TRA2B: variants seen among roughly 807,000 people sequenced by gnomAD.
TRA2B encodes transformer 2 beta homolog.
In TRA2B, 14 loss-of-function variants were observed where a neutral mutation model predicts 41.7. The observed-to-expected ratio is 0.34, with a 90% CI of 0.22 to 0.53. The LOEUF (loss-of-function observed/expected upper bound fraction) is 0.53. TRA2B is among the 20% of genes least tolerant of loss of function. The probability of loss-of-function intolerance (pLI) is 0.95; values close to 1 mark genes in which losing one functional copy is unlikely to be tolerated. For synonymous variants in TRA2B, 130 were observed against 128.8 expected, an observed-to-expected ratio of 1.01 and a Z score of -0.06; for missense variants, 167 against 396.8, an observed-to-expected ratio of 0.42 and a Z score of 4.92.
intron 4 of TRA2B, chr3:185,923,244 T>TCCAGC (rs1159551374): frequency 6.5e-6 from 1 of 152,750 alleles, no homozygotes; most frequent in Non-Finnish European, 1.5e-5. Flanking sequence ...GCCATTGCAC[T>TCCAGC]CCAGCCCAGG....
Position 185,919,452 on chromosome 3 carries a change from C to T in TRA2B, c.767G>A (p.Arg256Lys). The change falls in exon 7 of 9, where the codon AGG becomes AAG. Residue 256 changes from arginine to lysine, a missense_variant. Physicochemically the swap from Arg to Lys is conservative, Grantham distance 26. Around this residue, in one of 5 missense-constraint regions of TRA2B, gnomAD observed 30 missense variants for 46.7 expected, o/e 0.64. Transcript: ENST00000453386. ...GGGGWRAAQDRDQIYRRRSPS... is the reference protein window; with the variant it reads ...GGGGWRAAQDKDQIYRRRSPS... ...CCTGGCATACCTATAAATCTGATCC[C>T]TGTCTTGGGCAGCTCTCCATCCTCC... is the stretch of plus-strand genomic sequence containing the variant. The T allele has an allele frequency of 1.2e-6, 2 of 1,613,646 alleles. No homozygotes were observed. Among genetic ancestry groups the T allele is most frequent in the Non-Finnish European group, 1.7e-6 (2 of 1,179,850 alleles).
chr3:185,936,459 C>T (rs933977361), intron 1 of TRA2B: 1 of 985,284 alleles, frequency 1.0e-6, no homozygotes, highest in African/African-American at 1.7e-5. Flanking sequence ...AAACGCAAGG[C>T]TTGATTAGTT....
At chr3:185,937,460 G>A (rs545037402) in intron 1 of TRA2B, 2 of 1,055,748 alleles carry the variant, frequency 1.9e-6, no homozygotes, top group South Asian at 4.1e-5. Context: ...CAGCCCGCCA[G>A]CCCAAGATGG....
intron 1 of TRA2B, chr3:185,934,403 C>G: frequency 4.1e-6 from 4 of 985,416 alleles, no homozygotes; most frequent in Non-Finnish European, 3.6e-6. Flanking sequence ...CCTTTTCAAC[C>G]TTTTGGCAAA....
In TRA2B at chr3:185,933,823, AAC is replaced by A. The variant is rs1324610400; in HGVS notation, c.36+4000_36+4001del. Among the ~76,000 whole-genome samples the A allele has an allele frequency of 1.2e-4, 19 of 152,200 alleles. No homozygotes were observed. In the East Asian group the frequency reaches 3.1e-3, roughly 25 times the overall value. ...CAGACTGTTAAATTTACATTCATAA[AAC>A]AGTCAGTACTCCCCAACAAAAGCAA... On this transcript the variant is annotated intron_variant, in intron 1 of 8. Coordinates refer to ENST00000453386, the MANE Select transcript of TRA2B (RefSeq NM_004593.3).
rs1743836944 is a variant in TRA2B, at chr3:185,923,895, A to G, written c.423T>C (p.Tyr141=). 1.2e-6 allele frequency: 2 copies of G among 1,614,080 alleles called. No individual in the cohort carries two copies. The highest frequency in any genetic ancestry group is 1.7e-6 in the Non-Finnish European group (2 of 1,180,028). Residue 141 remains tyrosine (Y), a synonymous_variant, in exon 4 of 9, where the codon TAT becomes TAC. Transcript: ENST00000453386. The part of the protein sequence containing the change: ...ERDLREVFSK[Y]GPIADVSIVY... ...CAATAGACACATCGGCAATGGGACC[A>G]TATTTAGAGAACACTTCTCTTAGAT... is the stretch of plus-strand genomic sequence containing the variant.
At chr3:185,937,214 T>C (rs1172442961) in intron 1 of TRA2B, 24 of 985,606 alleles carry the variant, frequency 2.4e-5, no homozygotes, top group Non-Finnish European at 2.8e-5. Context: ...GCCCAGAACT[T>C]AGTCGGCCTT....
In TRA2B at chr3:185,925,925, C is replaced by T. The variant is rs559544802; in HGVS notation, c.171-299G>A. Among the ~76,000 whole-genome samples, 12 of 152,294 alleles carry T rather than the reference C, an allele frequency of 7.9e-5. No individual in the cohort carries two copies. The East Asian group carries it at 2.3e-3, about 29-fold the overall frequency. ...TAGCTTGGCTTGTGCCCATCTTTCC[C>T]CCTCAGAAGACCATTCTCTACTTTT... On this transcript the variant is annotated intron_variant, in intron 2 of 8. Transcript: ENST00000453386.
In TRA2B at chr3:185,921,089, T is replaced by G; in HGVS notation, c.722+15A>C. On this transcript the variant is annotated intron_variant, in intron 6 of 8. Coordinates refer to ENST00000453386, the MANE Select transcript of TRA2B (RefSeq NM_004593.3). Reference sequence around the variant, plus strand: ...ACTGAGATTCAGACGTTGACCTTTCTACCTCATAACTTACCTGTATGATCT... The same window carrying G: ...ACTGAGATTCAGACGTTGACCTTTCGACCTCATAACTTACCTGTATGATCT... 6.2e-7 allele frequency: 1 copy of G among 1,611,168 alleles called. No individual in the cohort carries two copies. Among genetic ancestry groups the G allele is most frequent in the South Asian group, 1.1e-5 (1 of 91,020 alleles).
intron 2 of TRA2B, 128 bp from the exon 3 acceptor site, chr3:185,925,754 T>G (rs1431414563): frequency 2.1e-6 from 2 of 933,908 alleles, no homozygotes; most frequent in Non-Finnish European, 3.0e-6. Flanking sequence ...ACCAATTTAG[T>G]AGGATCAATA....
At chr3:185,934,429 C>T (rs1329707688) in intron 1 of TRA2B, 1 of 985,242 alleles carries the variant, frequency 1.0e-6, no homozygotes, top group Non-Finnish European at 1.2e-6. Context: ...TAGTACTTAC[C>T]TTATAAAATC....
Position 185,925,555 on chromosome 3 carries a change from G to A in TRA2B, c.242C>T (p.Ser81Leu). 6.2e-7 allele frequency: 1 copy of A among 1,614,206 alleles called. No homozygotes were observed. Among genetic ancestry groups the A allele is most frequent in the Non-Finnish European group, 8.5e-7 (1 of 1,180,024 alleles). The change falls in exon 3 of 9, where the codon TCA becomes TTA. Residue 81 changes from serine to leucine, a missense_variant. Coordinates refer to ENST00000453386, the MANE Select transcript of TRA2B (RefSeq NM_004593.3). Reference sequence around the variant, plus strand: ...ATCTCGACTGTAAGACCTGCTACGTGATCGTCTATGGGAGCGGGAGCGAGA... The same window carrying A: ...ATCTCGACTGTAAGACCTGCTACGTAATCGTCTATGGGAGCGGGAGCGAGA... ...SRSRSRSHRR[S>L]RSRSYSRDYR...
chr3:185,936,771 A>T (rs1744376089), intron 1 of TRA2B: 8 of 985,210 alleles, frequency 8.1e-6, no homozygotes, highest in Non-Finnish European at 8.4e-6. Flanking sequence ...ATTCCTCTTA[A>T]TTCTAGCAAG....
rs1744429645 is a variant in TRA2B, at chr3:185,937,817, C to G, written c.36+8G>C. On this transcript the variant is annotated splice_region_variant and intron_variant, in intron 1 of 8. Transcript: ENST00000453386. ...CACACAGCCACCCCCTACCGCAGCT[C>G]TACGTACCCGCTCGCCGTAGTTCTG... The G allele has an allele frequency of 6.2e-7, 1 of 1,614,172 alleles. No individual in the cohort carries two copies. The highest frequency in any genetic ancestry group is 1.1e-5 in the South Asian group (1 of 91,086).
At chr3:185,932,382 A>C (rs538838642) in intron 1 of TRA2B, among the ~76,000 whole-genome samples, 1 of 152,322 alleles carries the variant, frequency 6.6e-6, no homozygotes, top group African/African-American at 2.4e-5. Context: ...GCTCTGCAGA[A>C]AGACGGTGTC....
chr3:185,925,218 G>GTTTTTTTT, intron 3 of TRA2B: 1 of 327,066 alleles, frequency 3.1e-6, no homozygotes, highest in Non-Finnish European at 5.6e-6. Flanking sequence ...GCAGTCGGAA[G>GTTTTTTTT]TTTTTTTTTT....
At chr3:185,920,996 G>T in intron 6 of TRA2B, 108 bp downstream of exon 6, 2 of 854,136 alleles carry the variant, frequency 2.3e-6, no homozygotes, top group Non-Finnish European at 3.6e-6. Context: ...CATTTCTCGA[G>T]TAAAAGTACT....
At chr3:185,925,888 G>A (rs746194482) in intron 2 of TRA2B, among the ~76,000 whole-genome samples, 2 of 152,230 alleles carry the variant, frequency 1.3e-5, no homozygotes, top group Non-Finnish European at 2.9e-5. Flanking sequence ...ATCAAGGCAC[G>A]CAGCATTTTA....
At chr3:185,927,816 A>T (rs1244248863) in intron 1 of TRA2B, 1 of 152,270 alleles carries the variant, frequency 6.6e-6, no homozygotes, top group Non-Finnish European at 1.5e-5. Flanking sequence ...GCACCAAAAC[A>T]GTAGATGAGG....
Sources: gnomAD v4.1 joint callset for allele counts (sites outside exome capture counted in the v4.1 genomes callset) on GRCh38, gnomAD v4.1.1 for gene constraint, gnomAD v4.1.1 regional missense constraint, MANE v1.5 for transcripts, NCBI Gene and HGNC (gene_info 2026-07-23, HGNC 2026-07-21) for gene names.